NRG1: variants seen among roughly 807,000 people sequenced by gnomAD.
The protein encoded by NRG1 is neuregulin 1, also known as pro-neuregulin-1, membrane-bound isoform.
In NRG1, 18 loss-of-function variants were observed where a neutral mutation model predicts 63.8. That is an observed-to-expected ratio of 0.28 (90% CI 0.19 to 0.42). The LOEUF is 0.42. Among genes scored for constraint, NRG1 ranks in the 10% least tolerant of loss-of-function variants. NRG1 has a pLI of 1.00. For missense variants in NRG1, 762 were observed against 814.7 expected, an observed-to-expected ratio of 0.94 and a Z score of 0.79; for synonymous variants, 302 against 301.3, an observed-to-expected ratio of 1.00 and a Z score of -0.02.
chr8:32,475,389 C>T (rs974425152), intron 1 of NRG1, among the ~76,000 whole-genome samples: 2 of 135,398 alleles, frequency 1.5e-5, no homozygotes, highest in African/African-American at 5.5e-5. Flanking sequence ...CACTTGAAGC[C>T]GGGAGGTGGA....
At chr8:31,741,318 C>T (rs1389750557) in intron 1 of NRG1, among the ~76,000 whole-genome samples, 2 of 151,862 alleles carry the variant, frequency 1.3e-5, no homozygotes, top group African/African-American at 2.4e-5. Context: ...CAGTATAGTG[C>T]AATATACCCA....
exon 1 of NRG1, chr8:32,548,536 G>A (rs972337329): frequency 1.6e-6 from 2 of 1,249,762 alleles, no homozygotes; most frequent in Non-Finnish European, 1.0e-6. Context: ...CCAGGTGGCC[G>A]GACCGCCCGC....
chr8:32,722,456 C>T (rs1245036042), intron 5 of NRG1, among the ~76,000 whole-genome samples: 1 of 152,080 alleles, frequency 6.6e-6, no homozygotes, highest in Non-Finnish European at 1.5e-5. Flanking sequence ...AAGAAAAAAA[C>T]CTAGCCTTCT....
Position 31,716,605 on chromosome 8 carries a change from A to T in NRG1, c.37+77174A>T, listed in dbSNP as rs139208827. 3.0e-4 allele frequency among the ~76,000 whole-genome samples: 46 copies of T among 152,330 alleles called. 1 individual carries two copies. In the East Asian group the frequency reaches 8.7e-3, roughly 29 times the overall value. The stretch of plus-strand genomic sequence containing the variant: ...CACTTACAAATTCTTTTATCAGCCA[A>T]TCCTTATCTTAATAACATATATTAC... On this transcript the variant is annotated intron_variant, in intron 1 of 10. Coordinates refer to the NRG1 transcript ENST00000519301.
chr8:32,153,331 G>T (rs1228128363), intron 1 of NRG1, among the ~76,000 whole-genome samples: 1 of 152,082 alleles, frequency 6.6e-6, no homozygotes, highest in East Asian at 1.9e-4. Context: ...TTTGTGATCT[G>T]CCCTAGACTG....
chr8:31,928,396 G>A (rs1834583392), intron 1 of NRG1, among the ~76,000 whole-genome samples: 1 of 148,636 alleles, frequency 6.7e-6, no homozygotes, highest in Non-Finnish European at 1.5e-5. Context: ...TACACTGCTG[G>A]TGGGAATGTA....
intron 1 of NRG1, among the ~76,000 whole-genome samples, chr8:32,441,031 A>G (rs576438237): frequency 6.6e-6 from 1 of 152,136 alleles, no homozygotes; most frequent in East Asian, 1.9e-4. Context: ...AGTTAAATTC[A>G]GGCAAATTTG....
chr8:31,654,910 T>C (rs1368117387), intron 1 of NRG1, among the ~76,000 whole-genome samples: 1 of 152,190 alleles, frequency 6.6e-6, no homozygotes, highest in African/African-American at 2.4e-5. Flanking sequence ...CACTGCACTC[T>C]AGCCTGGGTA....
chr8:31,786,482 C>T (rs1820184879), intron 1 of NRG1, among the ~76,000 whole-genome samples: 2 of 152,180 alleles, frequency 1.3e-5, no homozygotes, highest in South Asian at 2.1e-4. Context: ...ACACTGTCTA[C>T]CTGGAGATAC....
At position 31,725,337 on chromosome 8, in the gene NRG1, G is replaced by A. The variant is rs143117487; in HGVS notation, c.37+85906G>A. 2.8e-4 allele frequency among the ~76,000 whole-genome samples: 43 copies of A among 152,236 alleles called. 1 individual carries two copies. In the East Asian group the frequency reaches 4.4e-3, roughly 16 times the overall value. On this transcript the variant is annotated intron_variant, in intron 1 of 10. Transcript: ENST00000519301. ...GCCTTGGCATATGTTCCCAGCTAAC[G>A]TTTGAGAAAACTCATTTTCGGAGGA...
At chr8:31,663,318 A>G (rs1806194044) in intron 1 of NRG1, among the ~76,000 whole-genome samples, 1 of 152,230 alleles carries the variant, frequency 6.6e-6, no homozygotes, top group Non-Finnish European at 1.5e-5. Context: ...TCAACTATTT[A>G]TGAAAATGAT....
chr8:32,397,975 A>T (rs1442706845), intron 1 of NRG1, among the ~76,000 whole-genome samples: 3 of 152,054 alleles, frequency 2.0e-5, no homozygotes, highest in Non-Finnish European at 2.9e-5. Flanking sequence ...CTTTCTTATC[A>T]TTGTCCCTTC....
At chr8:31,800,568 T>C (rs2131716116) in intron 1 of NRG1, among the ~76,000 whole-genome samples, 1 of 152,296 alleles carries the variant, frequency 6.6e-6, no homozygotes, top group East Asian at 1.9e-4. Context: ...GGAATGCATA[T>C]CTCTTCTGGG....
chr8:32,717,346 C>T (rs1819506924), intron 5 of NRG1, among the ~76,000 whole-genome samples: 4 of 151,972 alleles, frequency 2.6e-5, no homozygotes, highest in Non-Finnish European at 4.4e-5. Context: ...AGTGAAATGA[C>T]GTAGAGTACT....
chr8:31,732,777 C>T (rs988852106), intron 1 of NRG1, among the ~76,000 whole-genome samples: 18 of 152,078 alleles, frequency 1.2e-4, no homozygotes, highest in African/African-American at 4.1e-4. Flanking sequence ...CCCCTGTAAT[C>T]TCAGCTACTC....
rs561154499 is a variant in NRG1, at chr8:31,868,418, A to T, written c.37+228987A>T. Among the ~76,000 whole-genome samples, 44 of 152,308 alleles carry T rather than the reference A, an allele frequency of 2.9e-4. 1 individual carries two copies. In the South Asian group the frequency reaches 7.9e-3, roughly 27 times the overall value. Reference sequence around the variant, plus strand: ...CTGAAACTGATCAGTCATCCATTTGATCAGGTAAGGCAGGCAAGCCCACCT... The same window carrying T: ...CTGAAACTGATCAGTCATCCATTTGTTCAGGTAAGGCAGGCAAGCCCACCT... On this transcript the variant is annotated intron_variant, in intron 1 of 10. Coordinates refer to the NRG1 transcript ENST00000519301.
chr8:31,704,641 G>C (rs1327190157), intron 1 of NRG1, among the ~76,000 whole-genome samples: 1 of 151,860 alleles, frequency 6.6e-6, no homozygotes, highest in Non-Finnish European at 1.5e-5. Flanking sequence ...GACCATCCTG[G>C]CTAACACGGT....
intron 1 of NRG1, among the ~76,000 whole-genome samples, chr8:32,034,436 G>T (rs943056975): frequency 3.9e-5 from 6 of 152,018 alleles, no homozygotes; most frequent in Non-Finnish European, 5.9e-5. Context: ...TCTCTTCCGG[G>T]TTTGGTATCA....
intron 1 of NRG1, among the ~76,000 whole-genome samples, chr8:31,809,347 T>C (rs1353346116): frequency 4.8e-4 from 69 of 144,628 alleles, no homozygotes; most frequent in African/African-American, 1.5e-3. Context: ...TATATATATA[T>C]ACACACACAC....
Sources: allele counts gnomAD v4.1 joint callset (sites outside exome capture counted in the v4.1 genomes callset), GRCh38; gene constraint gnomAD v4.1.1; transcripts MANE v1.5; gene names NCBI Gene and HGNC (gene_info 2026-07-23, HGNC 2026-07-21).